Variants in PEPD observed in about 807,000 individuals in gnomAD.
PEPD encodes the protein xaa-Pro dipeptidase.
In PEPD, 53 loss-of-function variants were observed where a neutral mutation model predicts 60.7. The ratio of observed to expected loss-of-function variants is 0.87; its 90% confidence interval spans 0.70 to 1.10. PEPD has a LOEUF of 1.10. Among genes scored for constraint, PEPD ranks in the 50% least tolerant of loss-of-function variants. PEPD has a pLI of 0.00. For missense variants in PEPD, 711 were observed against 711.9 expected (o/e 1.00, Z 0.01); for synonymous variants, 267 against 284.1 (o/e 0.94, Z 0.60).
At chr19:33,491,932 A>C (rs868712974) in intron 5 of PEPD, among the ~76,000 whole-genome samples, 9 of 152,148 alleles carry the variant, frequency 5.9e-5, no homozygotes, top group South Asian at 4.1e-4. Flanking sequence ...GAATGTTAGC[A>C]CAGGTCTTTG....
Position 33,521,790 on chromosome 19 carries a change from G to T in PEPD, c.-30C>A. The T allele has an allele frequency of 6.4e-7, 1 of 1,561,464 alleles. No individual in the cohort carries two copies. ...GCCCGGCACCGGCGTCACGTGAAGT[G>T]CGGCGTCAGCTGAGCCCCTCCGGGT... On this transcript the variant is annotated 5_prime_UTR_variant, in exon 1 of 15. Coordinates refer to ENST00000244137, the MANE Select transcript of PEPD (RefSeq NM_000285.4).
chr19:33,472,017 C>T (rs577870009), intron 7 of PEPD, among the ~76,000 whole-genome samples: 40 of 152,222 alleles, frequency 2.6e-4, no homozygotes, highest in African/African-American at 8.9e-4. Context: ...CAAAAGTAGC[C>T]GGGCATGGTG....
chr19:33,490,905 C>T (rs370838175), intron 5 of PEPD, among the ~76,000 whole-genome samples: 10 of 151,978 alleles, frequency 6.6e-5, no homozygotes, highest in East Asian at 4.0e-4. Flanking sequence ...TCAAGTGATC[C>T]GCGTACCTCG....
intron 9 of PEPD, among the ~76,000 whole-genome samples, chr19:33,444,629 T>TTG (rs1487759513): frequency 1.4e-5 from 2 of 144,984 alleles, no homozygotes; most frequent in Non-Finnish European, 3.0e-5. Context: ...TGGCCAAGCC[T>TTG]ACCAGTCTGC....
intron 5 of PEPD, among the ~76,000 whole-genome samples, chr19:33,491,721 GA>G (rs779852715): frequency 1.4e-4 from 21 of 152,160 alleles, no homozygotes; most frequent in Non-Finnish European, 2.6e-4. Context: ...GGCAAAGGTA[GA>G]GGGGGAGAAA....
At chr19:33,414,135 C>T (rs868617579) in intron 9 of PEPD, among the ~76,000 whole-genome samples, 1 of 152,206 alleles carries the variant, frequency 6.6e-6, no homozygotes, top group Non-Finnish European at 1.5e-5. Context: ...GAGCTATGGG[C>T]AGAAGGGGCA....
At chr19:33,482,022 C>T (rs1400458390) in intron 6 of PEPD, among the ~76,000 whole-genome samples, 1 of 150,294 alleles carries the variant, frequency 6.7e-6, no homozygotes, top group African/African-American at 2.5e-5. Context: ...CATCTCAAAA[C>T]AAACAAATAA....
intron 8 of PEPD, 71 bp from the exon 9 acceptor site, chr19:33,463,112 C>A (rs1193050871): frequency 3.3e-6 from 3 of 917,702 alleles, no homozygotes; most frequent in Non-Finnish European, 3.7e-6. Context: ...AAATAACATA[C>A]AGCACTTCTT....
intron 9 of PEPD, among the ~76,000 whole-genome samples, chr19:33,430,978 C>T (rs1969259359): frequency 1.3e-5 from 2 of 152,150 alleles, no homozygotes; most frequent in Non-Finnish European, 2.9e-5. Context: ...AATAAGCAAT[C>T]CAGCCAGGTG....
At chr19:33,431,338 A>G (rs924460127) in intron 9 of PEPD, among the ~76,000 whole-genome samples, 3 of 152,302 alleles carry the variant, frequency 2.0e-5, no homozygotes, top group African/African-American at 7.2e-5. Flanking sequence ...ATGGGTTGAA[A>G]TCACCCAAAA....
intron 3 of PEPD, among the ~76,000 whole-genome samples, chr19:33,506,934 A>C: frequency 7.4e-6 from 1 of 134,602 alleles, no homozygotes; most frequent in Non-Finnish European, 1.6e-5. Flanking sequence ...CCCCCACACA[A>C]CATACTCTAC....
chr19:33,444,419 GCC>G (rs1969550902), intron 9 of PEPD, among the ~76,000 whole-genome samples: 1 of 152,060 alleles, frequency 6.6e-6, no homozygotes, highest in Non-Finnish European at 1.5e-5. Context: ...GACTGATACA[GCC>G]CCGGCTGTGT....
chr19:33,467,338 A>C (rs1360208507), intron 7 of PEPD, among the ~76,000 whole-genome samples: 1 of 150,570 alleles, frequency 6.6e-6, no homozygotes, highest in African/African-American at 2.4e-5. Context: ...ATAGAAACAC[A>C]GTTTTATGGC....
Position 33,446,736 on chromosome 19 carries a change from C to T in PEPD, c.671+16259G>A, listed in dbSNP as rs139565759. 4.5e-4 allele frequency among the ~76,000 whole-genome samples: 69 copies of T among 152,356 alleles called. No homozygotes were observed. The East Asian group carries it at 0.011, about 24-fold the overall frequency. On this transcript the variant is annotated intron_variant, in intron 9 of 14. Coordinates refer to ENST00000244137, the MANE Select transcript of PEPD (RefSeq NM_000285.4). ...TCACCACCCAGAGGGGAGGGCCCAG[C>T]GGGCATCAGGACCCCGCACCGAGGG...
At chr19:33,473,346 AC>A (rs2145289857) in intron 7 of PEPD, among the ~76,000 whole-genome samples, 1 of 152,044 alleles carries the variant, frequency 6.6e-6, no homozygotes, top group South Asian at 2.1e-4. Flanking sequence ...CTAATTTGGG[AC>A]ATGTTACCCA....
chr19:33,493,348 G>T lies in PEPD; in HGVS notation c.394-11C>A. The T allele has an allele frequency of 1.2e-6, 2 of 1,610,368 alleles. No homozygotes were observed. The highest frequency in any genetic ancestry group is 1.7e-6 in the Non-Finnish European group (2 of 1,176,758). ...CAGGACGCTGGCAATCTAGAAGGTC[G>T]GAAAGAAAAACCCACTTTAGAGGCA... On this transcript the variant is annotated splice_polypyrimidine_tract_variant and intron_variant, in intron 4 of 14. Transcript: ENST00000244137.
intron 9 of PEPD, among the ~76,000 whole-genome samples, chr19:33,426,937 C>T (rs566279584): frequency 5.3e-5 from 8 of 152,340 alleles, no homozygotes; most frequent in Admixed American, 2.0e-4. Context: ...CCAGCCTGGA[C>T]AGGCCCTAGG....
chr19:33,518,397 G>A (rs576970069), intron 1 of PEPD, among the ~76,000 whole-genome samples: 56 of 152,254 alleles, frequency 3.7e-4, no homozygotes, highest in African/African-American at 1.3e-3. Context: ...TTGTGGGGTT[G>A]GGCTCTTGAC....
intron 7 of PEPD, among the ~76,000 whole-genome samples, chr19:33,473,907 TG>T (rs1970170843): frequency 6.6e-6 from 1 of 152,110 alleles, no homozygotes; most frequent in African/African-American, 2.4e-5. Context: ...CTTGAGAGAA[TG>T]GAAAACAATA....
Sources: allele counts gnomAD v4.1 joint callset (sites outside exome capture counted in the v4.1 genomes callset), GRCh38; gene constraint gnomAD v4.1.1; transcripts MANE v1.5; gene names NCBI Gene and HGNC (gene_info 2026-07-23, HGNC 2026-07-21).